SLC1A7: variants seen among roughly 807,000 people sequenced by gnomAD.
The protein encoded by SLC1A7 is excitatory amino acid transporter 5.
A neutral mutation model predicts 47.7 loss-of-function variants in SLC1A7; 40 were observed. That is an observed-to-expected ratio of 0.84 (90% CI 0.65 to 1.09). SLC1A7 has a LOEUF of 1.09. Among genes scored for constraint, SLC1A7 ranks in the 50% least tolerant of loss-of-function variants. The pLI, the probability that SLC1A7 is intolerant of heterozygous loss-of-function variation, is 0.00. For missense variants in SLC1A7, 746 were observed against 769.5 expected (o/e 0.97, Z 0.36); for synonymous variants, 323 against 325.6 (o/e 0.99, Z 0.09).
chr1:53,098,360 TTGGTACACACATA>T (rs1644525468), intron 5 of SLC1A7, among the ~76,000 whole-genome samples: 1 of 146,588 alleles, frequency 6.8e-6, no homozygotes, highest in African/African-American at 2.6e-5. Context: ...ACACCCCACC[TTGGTACACACATA>T]CGGTCACACC....
chr1:53,105,793 A>G lies in SLC1A7; in HGVS notation c.432-19T>C. The G allele has an allele frequency of 1.2e-6, 2 of 1,611,834 alleles. No individual in the cohort carries two copies. Among genetic ancestry groups the G allele is most frequent in the Non-Finnish European group, 1.7e-6 (2 of 1,178,230 alleles). ...CATGTTCCTAGGAAGAGAATCAGCAATTGAAAAATTCCAGAGCCCAGGACA... is the reference window on the plus strand; with the variant it reads ...CATGTTCCTAGGAAGAGAATCAGCAGTTGAAAAATTCCAGAGCCCAGGACA... On this transcript the variant is annotated intron_variant, in intron 3 of 10. Transcript: ENST00000371494.
At chr1:53,123,650 G>A (rs1048305766) in intron 2 of SLC1A7, among the ~76,000 whole-genome samples, 1 of 152,212 alleles carries the variant, frequency 6.6e-6, no homozygotes, top group Non-Finnish European at 1.5e-5. Flanking sequence ...CCCAGAGGAG[G>A]GCACAGCTGG....
At chr1:53,100,824 ACAT>A (rs1471809578) in intron 5 of SLC1A7, among the ~76,000 whole-genome samples, 3 of 147,362 alleles carry the variant, frequency 2.0e-5, no homozygotes, top group Non-Finnish European at 3.0e-5. Flanking sequence ...CAGTACACTC[ACAT>A]CACCTCGGTA....
intron 3 of SLC1A7, among the ~76,000 whole-genome samples, chr1:53,113,871 C>A (rs1169837179): frequency 3.3e-5 from 5 of 152,068 alleles, no homozygotes; most frequent in African/African-American, 9.7e-5. Context: ...CTTCTCCCCG[C>A]AGACGGTTCC....
chr1:53,098,837 C>T (rs544791250), intron 5 of SLC1A7, among the ~76,000 whole-genome samples: 6 of 148,110 alleles, frequency 4.1e-5, no homozygotes, highest in East Asian at 2.1e-4. Flanking sequence ...ACACTCACAC[C>T]GCCTTGGTAC....
intron 5 of SLC1A7, among the ~76,000 whole-genome samples, chr1:53,100,198 G>T (rs1252201271): frequency 2.2e-5 from 2 of 92,312 alleles, no homozygotes; most frequent in Non-Finnish European, 4.8e-5. Context: ...CCCCACCTTG[G>T]TATACTCACA....
intron 3 of SLC1A7, chr1:53,108,647 G>A (rs1241130889): frequency 1.4e-6 from 1 of 717,684 alleles, no homozygotes; most frequent in Non-Finnish European, 2.6e-6. Flanking sequence ...GGAACATGGG[G>A]ATAATAGCTA....
chr1:53,090,096 C>G (rs1644403670), intron 8 of SLC1A7, 162 bp from the exon 9 acceptor site: 2 of 709,892 alleles, frequency 2.8e-6, no homozygotes, highest in Admixed American at 2.1e-5. Context: ...GGTCAAGTCC[C>G]TCCTCACAGT....
chr1:53,089,072 G>A (rs957919924), intron 9 of SLC1A7, 93 bp from the exon 10 acceptor site: 2 of 1,009,922 alleles, frequency 2.0e-6, no homozygotes, highest in Non-Finnish European at 3.1e-6. Flanking sequence ...CACGGCCGGT[G>A]ACCAGCTGTC....
At chr1:53,129,152 C>T (rs1269419246) in intron 2 of SLC1A7, among the ~76,000 whole-genome samples, 3 of 130,704 alleles carry the variant, frequency 2.3e-5, no homozygotes. Flanking sequence ...GCACTCCAGC[C>T]TGGGTGACAG....
intron 5 of SLC1A7, among the ~76,000 whole-genome samples, chr1:53,098,816 C>T (rs1303349903): frequency 6.6e-6 from 1 of 151,272 alleles, no homozygotes; most frequent in East Asian, 2.0e-4. Context: ...ACTCACACAC[C>T]CTGCCTTGGT....
intron 5 of SLC1A7, among the ~76,000 whole-genome samples, chr1:53,099,204 T>A (rs1045338595): frequency 6.8e-4 from 6 of 8,814 alleles, no homozygotes; most frequent in African/African-American, 1.5e-3. Flanking sequence ...CTTGGTACAC[T>A]CATACACACC....
intron 2 of SLC1A7, 114 bp downstream of exon 2, chr1:53,134,236 T>A (rs1644968595): frequency 1.5e-6 from 1 of 687,884 alleles, no homozygotes; most frequent in Admixed American, 2.6e-5. Context: ...ACGGTCACAC[T>A]CATCCCAGGG....
At chr1:53,093,604 C>G in intron 5 of SLC1A7, 44 bp from the exon 6 acceptor site, 1 of 1,465,738 alleles carries the variant, frequency 6.8e-7, no homozygotes, top group Non-Finnish European at 9.3e-7. Context: ...AGGGACAGAC[C>G]CACAGGCCCA....
At chr1:53,125,146 G>T (rs1180975303) in intron 2 of SLC1A7, among the ~76,000 whole-genome samples, 2 of 152,172 alleles carry the variant, frequency 1.3e-5, no homozygotes, top group African/African-American at 4.8e-5. Context: ...GACGGCTGAG[G>T]AGGGCAAAAC....
intron 1 of SLC1A7, 64 bp downstream of exon 1, chr1:53,142,251 C>A (rs1645065239): frequency 5.3e-6 from 8 of 1,512,420 alleles, no homozygotes; most frequent in Admixed American, 2.1e-5. Flanking sequence ...GAACGGGACC[C>A]CAGATCCCTC....
chr1:53,090,608 G>A lies in SLC1A7; in HGVS notation c.1226+4C>T. 6.3e-7 allele frequency: 1 copy of A among 1,575,924 alleles called. No homozygotes were observed. The highest frequency in any genetic ancestry group is 1.3e-5 in the African/African-American group (1 of 74,622). Reference sequence around the variant, plus strand: ...ATCCACCCAGGTGCAGTGTCAGGGTGCACCTGATGGTGATGATCTGGCCAA... The same window carrying A: ...ATCCACCCAGGTGCAGTGTCAGGGTACACCTGATGGTGATGATCTGGCCAA... On this transcript the variant is annotated splice_donor_region_variant and intron_variant, in intron 8 of 10. Coordinates refer to ENST00000371494, the MANE Select transcript of SLC1A7 (RefSeq NM_006671.6).
At chr1:53,128,330 A>G (rs930872256) in intron 2 of SLC1A7, among the ~76,000 whole-genome samples, 1 of 152,242 alleles carries the variant, frequency 6.6e-6, no homozygotes, top group Non-Finnish European at 1.5e-5. Context: ...TTAAAAAATT[A>G]GCTGGGCATG....
intron 3 of SLC1A7, among the ~76,000 whole-genome samples, chr1:53,107,485 G>A (rs1431573149): frequency 3.3e-5 from 5 of 152,228 alleles, no homozygotes; most frequent in Non-Finnish European, 7.3e-5. Context: ...CATCAGGGGA[G>A]GCCAGGTGAA....
Sources: allele counts gnomAD v4.1 joint callset (sites outside exome capture counted in the v4.1 genomes callset), GRCh38; gene constraint gnomAD v4.1.1; transcripts MANE v1.5; gene names NCBI Gene and HGNC (gene_info 2026-07-23, HGNC 2026-07-21).